Variants in NCALD observed in about 807,000 individuals in gnomAD.
NCALD encodes neurocalcin-delta.
A neutral mutation model predicts 18.6 loss-of-function variants in NCALD; 10 were observed. The ratio of observed to expected loss-of-function variants is 0.54; its 90% CI spans 0.33 to 0.91. The LOEUF is 0.91. Ranked by LOEUF, NCALD falls within the 40% of genes least tolerant of loss-of-function variation. The pLI, the probability that NCALD is intolerant of heterozygous loss-of-function variation, is 0.03. For synonymous variants in NCALD, 88 were observed against 87.4 expected, an observed-to-expected ratio of 1.01 and a Z score of -0.04; for missense variants, 184 against 247.6, an observed-to-expected ratio of 0.74 and a Z score of 1.72.
At chr8:101,985,316 T>C (rs1429578777) in intron 2 of NCALD, among the ~76,000 whole-genome samples, 1 of 152,112 alleles carries the variant, frequency 6.6e-6, no homozygotes, top group African/African-American at 2.4e-5. Context: ...CCCCAGCTGA[T>C]GGTATGCAGA....
chr8:101,796,023 C>T (rs767952594), intron 4 of NCALD, among the ~76,000 whole-genome samples: 48 of 151,960 alleles, frequency 3.2e-4, no homozygotes, highest in Non-Finnish European at 5.9e-5. Flanking sequence ...GACAGGGAGA[C>T]CAAAATTATA....
intron 2 of NCALD, among the ~76,000 whole-genome samples, chr8:102,008,288 G>A (rs1376012774): frequency 6.6e-6 from 1 of 152,040 alleles, no homozygotes; most frequent in African/African-American, 2.4e-5. Context: ...TGAGCTCTCC[G>A]TTCCCATACT....
chr8:101,995,104 A>G (rs1477485246), intron 2 of NCALD, among the ~76,000 whole-genome samples: 3 of 152,238 alleles, frequency 2.0e-5, no homozygotes, highest in Non-Finnish European at 4.4e-5. Context: ...ATTATGGTAC[A>G]CATCAAATTA....
intron 1 of NCALD, among the ~76,000 whole-genome samples, chr8:102,105,514 AG>A (rs2132429353): frequency 6.6e-6 from 1 of 152,338 alleles, no homozygotes; most frequent in Non-Finnish European, 1.5e-5. Context: ...GATTTATGCC[AG>A]GACATGCTGA....
chr8:101,824,305 G>A (rs764240199), intron 4 of NCALD, among the ~76,000 whole-genome samples: 1 of 151,996 alleles, frequency 6.6e-6, no homozygotes, highest in Non-Finnish European at 1.5e-5. Flanking sequence ...GGGGCCCAAC[G>A]CTGTGTCCAT....
At chr8:101,896,627 G>C (rs898335599) in intron 3 of NCALD, among the ~76,000 whole-genome samples, 1 of 151,882 alleles carries the variant, frequency 6.6e-6, no homozygotes, top group Non-Finnish European at 1.5e-5. Flanking sequence ...CTGACAAAGG[G>C]CTAATATCCA....
intron 2 of NCALD, among the ~76,000 whole-genome samples, chr8:101,946,525 G>A (rs1819179830): frequency 6.6e-6 from 1 of 152,056 alleles, no homozygotes; most frequent in Non-Finnish European, 1.5e-5. Context: ...TTTATAACAT[G>A]TCAGAACGGT....
intron 1 of NCALD, among the ~76,000 whole-genome samples, chr8:102,050,784 TTAAC>T (rs1041862946): frequency 3.4e-4 from 49 of 145,410 alleles, no homozygotes; most frequent in African/African-American, 1.1e-3. Context: ...TTTAATTTAA[TTAAC>T]TAATTTTTAA....
chr8:101,835,273 A>G (rs1323117495), intron 4 of NCALD, among the ~76,000 whole-genome samples: 1 of 152,250 alleles, frequency 6.6e-6, no homozygotes, highest in Admixed American at 6.5e-5. Context: ...CCCTTCCATC[A>G]TATGGCTCTG....
chr8:101,853,678 G>A (rs981492623), intron 4 of NCALD, among the ~76,000 whole-genome samples: 3 of 152,092 alleles, frequency 2.0e-5, no homozygotes, highest in Non-Finnish European at 2.9e-5. Flanking sequence ...TGGGGAGGCC[G>A]GGGTGGGGGA....
chr8:101,896,281 A>G (rs1817167051), intron 3 of NCALD, among the ~76,000 whole-genome samples: 1 of 152,118 alleles, frequency 6.6e-6, no homozygotes, highest in African/African-American at 2.4e-5. Flanking sequence ...TCCCTATTTA[A>G]TAAGTGGTGC....
intron 2 of NCALD, among the ~76,000 whole-genome samples, chr8:101,999,732 CTAT>C (rs776575342): frequency 2.0e-5 from 3 of 151,598 alleles, no homozygotes; most frequent in Non-Finnish European, 4.4e-5. Context: ...TAAAAGTAGG[CTAT>C]TATTCTCTAA....
At chr8:102,047,060 G>A (rs925154021) in intron 1 of NCALD, among the ~76,000 whole-genome samples, 1 of 152,138 alleles carries the variant, frequency 6.6e-6, no homozygotes, top group African/African-American at 2.4e-5. Flanking sequence ...ACTTATAAGT[G>A]AGAACATGTA....
At chr8:101,854,747 T>C (rs1424252244) in intron 4 of NCALD, among the ~76,000 whole-genome samples, 1 of 152,198 alleles carries the variant, frequency 6.6e-6, no homozygotes, top group Non-Finnish European at 1.5e-5. Flanking sequence ...TAACAACATA[T>C]TTTGATATAA....
At chr8:101,828,305 C>T (rs1814024213) in intron 4 of NCALD, among the ~76,000 whole-genome samples, 1 of 152,208 alleles carries the variant, frequency 6.6e-6, no homozygotes, top group Non-Finnish European at 1.5e-5. Context: ...CTCTGCCCAG[C>T]TTGCCAGCCC....
chr8:101,692,069 T>C, intron 3 of NCALD: 1 of 973,228 alleles, frequency 1.0e-6, no homozygotes, highest in Non-Finnish European at 1.2e-6. Flanking sequence ...GGCTAAACAA[T>C]TGTTAGGCTA....
At chr8:101,907,503 T>C (rs2131590473) in intron 3 of NCALD, among the ~76,000 whole-genome samples, 1 of 150,716 alleles carries the variant, frequency 6.6e-6, no homozygotes, top group South Asian at 2.1e-4. Context: ...TATTAAATAA[T>C]TTAATAAATT....
intron 1 of NCALD, among the ~76,000 whole-genome samples, chr8:101,756,750 C>T (rs549255659): frequency 6.6e-6 from 1 of 152,352 alleles, no homozygotes; most frequent in Admixed American, 6.5e-5. Context: ...ACAAGAGAAT[C>T]TGACTGGATG....
chr8:101,752,746 C>T (rs1810713472), intron 1 of NCALD, among the ~76,000 whole-genome samples: 2 of 152,208 alleles, frequency 1.3e-5, no homozygotes, highest in South Asian at 2.1e-4. Context: ...CCCTGCTCTG[C>T]AAGAGCTAGC....
Sources: allele counts gnomAD v4.1 joint callset (sites outside exome capture counted in the v4.1 genomes callset), GRCh38; gene constraint gnomAD v4.1.1; transcripts MANE v1.5; gene names NCBI Gene and HGNC (gene_info 2026-07-23, HGNC 2026-07-21).